The following SLC45A4 variants were observed in gnomAD, a reference collection of about 807,000 sequenced individuals.
The protein encoded by SLC45A4 is solute carrier family 45 member 4.
In SLC45A4, 32 loss-of-function variants were observed where a neutral mutation model predicts 63.7. The ratio of observed to expected loss-of-function variants is 0.50; its 90% confidence interval spans 0.38 to 0.67. The LOEUF (loss-of-function observed/expected upper bound fraction) is 0.67, where lower values mean the gene tolerates loss of function less well. Ranked by LOEUF, SLC45A4 falls within the 30% of genes least tolerant of loss-of-function variation. SLC45A4 has a pLI of 0.00. For synonymous variants in SLC45A4, 535 were observed against 510.0 expected, an observed-to-expected ratio of 1.05 and a Z score of -0.66; for missense variants, 1,027 against 1,157.7, an observed-to-expected ratio of 0.89 and a Z score of 1.64.
intron 2 of SLC45A4, chr8:141,230,469 C>T (rs868769669): frequency 4.4e-4 from 87 of 196,792 alleles, no homozygotes; most frequent in African/African-American, 1.8e-3. Context: ...ACAGCTGTGC[C>T]GGAGAGGGGT....
intron 7 of SLC45A4, among the ~76,000 whole-genome samples, chr8:141,213,134 TAA>T (rs1825939390): frequency 6.6e-6 from 1 of 152,148 alleles, no homozygotes; most frequent in African/African-American, 2.4e-5. Flanking sequence ...ACTAAGAAGC[TAA>T]AAAACAAAGC....
At chr8:141,274,534 C>CA (rs35503591) in intron 1 of SLC45A4, among the ~76,000 whole-genome samples, 36,548 of 93,768 alleles carry the variant, frequency 0.39, 6,827 homozygotes, top group Admixed American at 0.46. Flanking sequence ...AACTCGGTCT[C>CA]AAAAAAAAAA....
chr8:141,306,545 G>A (rs1192812966), intron 1 of SLC45A4, among the ~76,000 whole-genome samples: 1 of 152,186 alleles, frequency 6.6e-6, no homozygotes, highest in Non-Finnish European at 1.5e-5. Flanking sequence ...AGAAAAGTGA[G>A]GACACTATAC....
chr8:141,269,456 C>A (rs1829422682), intron 1 of SLC45A4, among the ~76,000 whole-genome samples: 1 of 133,950 alleles, frequency 7.5e-6, no homozygotes, highest in South Asian at 2.3e-4. Context: ...CGATGTCTGC[C>A]TATGTGTCTG....
At chr8:141,285,260 G>A (rs1400863670) in intron 1 of SLC45A4, among the ~76,000 whole-genome samples, 4 of 152,244 alleles carry the variant, frequency 2.6e-5, no homozygotes, top group Admixed American at 2.0e-4. Flanking sequence ...CCGCACCCCA[G>A]CGGCCATCCT....
At chr8:141,230,669 C>T (rs11782278) in intron 2 of SLC45A4, among the ~76,000 whole-genome samples, 12,535 of 152,120 alleles carry the variant, frequency 0.082, 637 homozygotes, top group East Asian at 0.25. Context: ...GGGGACAGTC[C>T]GGCCGCTGCC....
rs139654060 is a variant in SLC45A4, at chr8:141,287,824, G to A, written c.-401+20272C>T. 1.5e-4 allele frequency among the ~76,000 whole-genome samples: 23 copies of A among 152,268 alleles called. No homozygotes were observed. The Middle Eastern group carries it at 0.014, about 90-fold the overall frequency. On this transcript the variant is annotated intron_variant, in intron 1 of 8. Coordinates refer to ENST00000517878, the MANE Select transcript of SLC45A4 (RefSeq NM_001286646.2). ...TGGGGCGGTGAGGAGACGGCTCTCA[G>A]ACCTCCCAGGGCACAGTCCACAGGG...
chr8:141,260,940 C>T (rs944978841), intron 1 of SLC45A4, among the ~76,000 whole-genome samples: 1 of 152,174 alleles, frequency 6.6e-6, no homozygotes, highest in Non-Finnish European at 1.5e-5. Flanking sequence ...AATTTTAGAC[C>T]AATATCCTTG....
At position 141,298,076 on chromosome 8, in the gene SLC45A4, C is replaced by T. The variant is rs538068233; in HGVS notation, c.-401+10020G>A. Among the ~76,000 whole-genome samples the T allele has an allele frequency of 7.7e-4, 117 of 152,224 alleles. 1 individual carries two copies. Among genetic ancestry groups the T allele is most frequent in the African/African-American group, 2.7e-3 (111 of 41,538 alleles). On this transcript the variant is annotated intron_variant, in intron 1 of 8. Transcript: ENST00000517878. ...CGGCAAGCCCGACTGGCCCACCATCCCCCGTGTCCACACTCCCCAGGCTCT... is the reference window on the plus strand; with the variant it reads ...CGGCAAGCCCGACTGGCCCACCATCTCCCGTGTCCACACTCCCCAGGCTCT...
At chr8:141,283,950 G>A (rs1381482355) in intron 1 of SLC45A4, among the ~76,000 whole-genome samples, 2 of 152,234 alleles carry the variant, frequency 1.3e-5, no homozygotes, top group Non-Finnish European at 2.9e-5. Context: ...ATCAGGCTGT[G>A]TGGAGCTCAT....
At chr8:141,213,392 G>T (rs935538461) in intron 7 of SLC45A4, among the ~76,000 whole-genome samples, 3 of 152,212 alleles carry the variant, frequency 2.0e-5, no homozygotes, top group Non-Finnish European at 4.4e-5. Context: ...ATGTTCTCTG[G>T]CCATTAAGGA....
chr8:141,231,980 G>T (rs901018623), intron 2 of SLC45A4, among the ~76,000 whole-genome samples: 1 of 152,232 alleles, frequency 6.6e-6, no homozygotes, highest in African/African-American at 2.4e-5. Flanking sequence ...TCCAGGTCAC[G>T]TAGCACTGCC....
chr8:141,246,612 G>GAGAGTCTCCCAGCAA (rs1828214464), intron 2 of SLC45A4, among the ~76,000 whole-genome samples: 2 of 152,220 alleles, frequency 1.3e-5, no homozygotes, highest in Admixed American at 6.5e-5. Flanking sequence ...CTCAAGGGGA[G>GAGAGTCTCCCAGCAA]GGCATTGCAC....
At chr8:141,238,759 C>T (rs1589799243) in intron 2 of SLC45A4, among the ~76,000 whole-genome samples, 2 of 152,312 alleles carry the variant, frequency 1.3e-5, no homozygotes, top group East Asian at 3.9e-4. Context: ...GCACCCTCCC[C>T]AATACCAGGC....
intron 5 of SLC45A4, 102 bp downstream of exon 5, chr8:141,217,909 G>T: frequency 1.5e-6 from 2 of 1,371,230 alleles, no homozygotes; most frequent in Non-Finnish European, 2.0e-6. Flanking sequence ...TCCCTGACAC[G>T]CGTGGGCACG....
chr8:141,211,959 ATTCTT>A (rs1707506733), intron 8 of SLC45A4: 2 of 1,279,080 alleles, frequency 1.6e-6, no homozygotes, highest in Non-Finnish European at 2.0e-6. Flanking sequence ...ATTTCAAATG[ATTCTT>A]TTAATTATCG....
chr8:141,252,744 C>T (rs1828545773), intron 2 of SLC45A4, among the ~76,000 whole-genome samples: 1 of 122,104 alleles, frequency 8.2e-6, no homozygotes, highest in Non-Finnish European at 1.7e-5. Context: ...TGTTTTCATG[C>T]CCACCTGCGT....
chr8:141,252,555 GTGT>G (rs1178183406), intron 2 of SLC45A4: 1 of 129,436 alleles, frequency 7.7e-6, no homozygotes, highest in Non-Finnish European at 1.8e-5. Flanking sequence ...GTGAATTTCC[GTGT>G]TTTCACGCCC....
chr8:141,264,654 G>A (rs149271965), intron 1 of SLC45A4, among the ~76,000 whole-genome samples: 3 of 152,114 alleles, frequency 2.0e-5, no homozygotes, highest in South Asian at 2.1e-4. Context: ...CTGCTGAGTC[G>A]TTCTCTCCAA....
Sources: allele counts gnomAD v4.1 joint callset (sites outside exome capture counted in the v4.1 genomes callset), GRCh38; gene constraint gnomAD v4.1.1; transcripts MANE v1.5; gene names NCBI Gene and HGNC (gene_info 2026-07-23, HGNC 2026-07-21).